The following TESMIN variants were observed in gnomAD, a reference collection of about 807,000 sequenced individuals.
The protein encoded by TESMIN is CXC domain containing 2.
TESMIN carries 34 observed loss-of-function variants against 47.4 expected under a neutral mutation model. The observed-to-expected ratio is 0.72, with a 90% CI of 0.55 to 0.96. TESMIN has a LOEUF of 0.96. TESMIN is among the 40% of genes least tolerant of loss of function. The pLI is 0.00. For missense variants in TESMIN, 610 were observed against 637.2 expected, an observed-to-expected ratio of 0.96 and a Z score of 0.46; for synonymous variants, 278 against 258.9, an observed-to-expected ratio of 1.07 and a Z score of -0.71.
chr11:68,710,638 CA>C, intron 9 of TESMIN: 1 of 489,718 alleles, frequency 2.0e-6, no homozygotes, highest in Non-Finnish European at 3.6e-6. Context: ...GTAACTCAGA[CA>C]GTGAGGATGA....
intron 8 of TESMIN, 116 bp from the exon 9 acceptor site, chr11:68,711,165 G>T: frequency 1.1e-6 from 1 of 901,058 alleles, no homozygotes; most frequent in South Asian, 1.7e-5. Context: ...GACAGAGAGT[G>T]TGTGTGTGTC....
chr11:68,738,825 C>G (rs1248069603), intron 5 of TESMIN, 37 bp from the exon 6 acceptor site: 2 of 1,567,814 alleles, frequency 1.3e-6, no homozygotes, highest in East Asian at 4.5e-5. Context: ...TTTGAATTAG[C>G]AAGGATTTTT....
chr11:68,723,383 T>C (rs1946224666), intron 6 of TESMIN, among the ~76,000 whole-genome samples: 1 of 148,702 alleles, frequency 6.7e-6, no homozygotes, highest in South Asian at 2.1e-4. Flanking sequence ...CGGATGATAG[T>C]GAAAGTACTG....
chr11:68,741,895 C>T lies in TESMIN; in HGVS notation c.828+423G>A, dbSNP rs74659550. Among the ~76,000 whole-genome samples, 72 of 152,290 alleles carry T rather than the reference C, an allele frequency of 4.7e-4. 1 individual carries two copies. The East Asian group carries it at 9.6e-3, about 20-fold the overall frequency. Reference sequence around the variant, plus strand: ...TCATACCAAAACTCGGGAAAAAGAGCGTATTTGTCCTCTACTTTTATGTAA... The same window carrying T: ...TCATACCAAAACTCGGGAAAAAGAGTGTATTTGTCCTCTACTTTTATGTAA... On this transcript the variant is annotated intron_variant, in intron 5 of 9. Transcript: ENST00000255087.
Position 68,745,053 on chromosome 11 carries a change from C to G in TESMIN, c.689G>C (p.Arg230Thr). 2 of 1,593,922 alleles carry G rather than the reference C, an allele frequency of 1.3e-6. No individual in the cohort carries two copies. The highest frequency in any genetic ancestry group is 1.7e-6 in the Non-Finnish European group (2 of 1,174,922). Residue 230 changes from arginine to threonine, a missense_variant, in exon 4 of 10, where the codon AGA becomes ACA. Arg to Thr is a moderately conservative substitution (Grantham distance 71). Transcript: ENST00000255087. ...QMLCIDNSRTRELKALHLVPQ... is the reference protein window; with the variant it reads ...QMLCIDNSRTTELKALHLVPQ... The stretch of plus-strand genomic sequence containing the variant: ...AACCAAATGGAGTGCTTTTAGTTCT[C>G]TTGTTCTAGAATTGTCTATACATAG...
rs768552175 is a variant in TESMIN, at chr11:68,750,170, A to T, written c.471+20T>A. On this transcript the variant is annotated intron_variant, in intron 2 of 9. Coordinates refer to ENST00000255087, the MANE Select transcript of TESMIN (RefSeq NM_004923.3). ...AAGGGATGGAGGGGGAGCTGTGCCC[A>T]TTCCCCAGGCGGTTCTTACTGGGAT... The T allele has an allele frequency of 1.4e-6, 2 of 1,448,988 alleles. No homozygotes were observed. Among genetic ancestry groups the T allele is most frequent in the African/African-American group, 2.9e-5 (2 of 67,850 alleles). 89.8% of individuals were successfully genotyped at this position (1,448,988 alleles called of 1,614,324 possible).
intron 6 of TESMIN, among the ~76,000 whole-genome samples, chr11:68,721,222 C>T (rs1190655957): frequency 2.0e-5 from 3 of 152,088 alleles, no homozygotes; most frequent in South Asian, 4.1e-4. Flanking sequence ...GAAATATAAA[C>T]AATACTATAG....
At position 68,745,092 on chromosome 11, in the gene TESMIN, C is replaced by T. The variant is rs768172750; in HGVS notation, c.650G>A (p.Gly217Glu). 6.3e-7 allele frequency: 1 copy of T among 1,576,714 alleles called. No individual in the cohort carries two copies. Among genetic ancestry groups the T allele is most frequent in the Admixed American group, 2.1e-5 (1 of 48,496 alleles). The stretch of plus-strand genomic sequence containing the variant: ...GTCTATACATAGCATTTGTGTGCCC[C>T]CTTTCAATTGGCATATCACCTAAAA... ...SNPMVICQLK[G>E]GTQMLCIDNS... The change falls in exon 4 of 10, where the codon GGG (glycine) becomes GAG (glutamate). Residue 217 changes from glycine to glutamate, a missense_variant. By Grantham distance (98) the Gly-to-Glu change is moderately conservative. Coordinates refer to ENST00000255087, the MANE Select transcript of TESMIN (RefSeq NM_004923.3).
intron 6 of TESMIN, among the ~76,000 whole-genome samples, chr11:68,719,616 G>A (rs1467688199): frequency 6.6e-6 from 1 of 152,166 alleles, no homozygotes; most frequent in East Asian, 1.9e-4. Context: ...AGTTCCTGGG[G>A]GTCAGAAAAT....
At position 68,737,296 on chromosome 11, in the gene TESMIN, T is replaced by C. The variant is rs78859346; in HGVS notation, c.917+1404A>G. On this transcript the variant is annotated intron_variant, in intron 6 of 9. Coordinates refer to ENST00000255087, the MANE Select transcript of TESMIN (RefSeq NM_004923.3). The stretch of plus-strand genomic sequence containing the variant: ...CTTATTCTGTCCAACTCAGCAAAAG[T>C]TGTCAACAGCCTAGGCACAGAATTA... 3.2e-5 allele frequency: 32 copies of C among 985,424 alleles called. No individual in the cohort carries two copies. The East Asian group carries it at 3.2e-3, about 98-fold the overall frequency. 61.0% of individuals were successfully genotyped at this position (985,424 alleles called of 1,614,324 possible).
In TESMIN at chr11:68,737,287, C is replaced by G. The variant is rs149906240; in HGVS notation, c.917+1413G>C. The G allele has an allele frequency of 5.8e-4, 570 of 985,448 alleles. 4 individuals carry two copies. In the African/African-American group the frequency reaches 9.3e-3, roughly 16 times the overall value. The allele number at this position is 985,448 out of a possible 1,614,324, so 61.0% of individuals were successfully genotyped here. On this transcript the variant is annotated intron_variant, in intron 6 of 9. Transcript: ENST00000255087. Reference sequence around the variant, plus strand: ...GCCCACAGTCTTATTCTGTCCAACTCAGCAAAAGTTGTCAACAGCCTAGGC... The same window carrying G: ...GCCCACAGTCTTATTCTGTCCAACTGAGCAAAAGTTGTCAACAGCCTAGGC...
intron 7 of TESMIN, among the ~76,000 whole-genome samples, chr11:68,714,854 T>C (rs1946117311): frequency 6.6e-6 from 1 of 152,236 alleles, no homozygotes; most frequent in Non-Finnish European, 1.5e-5. Context: ...CCCGAAGTGG[T>C]TGTGCCCCTT....
chr11:68,727,634 C>T (rs573617461), intron 6 of TESMIN, among the ~76,000 whole-genome samples: 1 of 152,272 alleles, frequency 6.6e-6, no homozygotes, highest in African/African-American at 2.4e-5. Context: ...CATTTTATTG[C>T]ACTTTGTTCT....
chr11:68,729,393 TG>T (rs1946301967), intron 6 of TESMIN, among the ~76,000 whole-genome samples: 1 of 151,538 alleles, frequency 6.6e-6, no homozygotes, highest in African/African-American at 2.4e-5. Flanking sequence ...GGCGTGGTGG[TG>T]GGCGCCTGTA....
chr11:68,748,563 C>A (rs1410064922), intron 2 of TESMIN, among the ~76,000 whole-genome samples: 1 of 152,218 alleles, frequency 6.6e-6, no homozygotes, highest in Non-Finnish European at 1.5e-5. Flanking sequence ...AATTCCATTT[C>A]TGACCTTTCA....
At chr11:68,736,258 C>T in intron 6 of TESMIN, 6 of 985,384 alleles carry the variant, frequency 6.1e-6, no homozygotes, top group Non-Finnish European at 7.2e-6. Flanking sequence ...AGTGTCAGGA[C>T]AAGGATTTGT....
intron 9 of TESMIN, among the ~76,000 whole-genome samples, chr11:68,709,988 T>A (rs1946043602): frequency 6.6e-6 from 1 of 152,152 alleles, no homozygotes; most frequent in African/African-American, 2.4e-5. Flanking sequence ...CGAGACCCCA[T>A]CTCTACAAAA....
At chr11:68,729,251 C>T (rs1489349832) in intron 6 of TESMIN, among the ~76,000 whole-genome samples, 9 of 152,148 alleles carry the variant, frequency 5.9e-5, no homozygotes, top group Admixed American at 4.6e-4. Flanking sequence ...ACCAGCTGGG[C>T]GTGGTGGCTC....
intron 9 of TESMIN, 160 bp downstream of exon 9, chr11:68,710,714 G>A (rs868544281): frequency 1.0e-4 from 68 of 649,030 alleles, no homozygotes; most frequent in Middle Eastern, 4.2e-4. Flanking sequence ...TGGCCACCCA[G>A]GATTAGCCCA....
Sources: gnomAD v4.1 joint callset for allele counts (sites outside exome capture counted in the v4.1 genomes callset) on GRCh38, gnomAD v4.1.1 for gene constraint, MANE v1.5 for transcripts, NCBI Gene and HGNC (gene_info 2026-07-23, HGNC 2026-07-21) for gene names.